Variants in GRM3 observed in about 807,000 individuals in gnomAD.
The protein encoded by GRM3 is metabotropic glutamate receptor 3.
Under a neutral mutation model 70.5 loss-of-function variants are expected in GRM3, and 26 were observed. The ratio of observed to expected loss-of-function variants is 0.37; its 90% CI spans 0.27 to 0.51. GRM3 has a LOEUF of 0.51. Ranked by LOEUF, GRM3 falls within the 20% of genes least tolerant of loss-of-function variation. GRM3 has a pLI of 0.93. For missense variants in GRM3, 859 were observed against 1,123.8 expected (o/e 0.76, Z 3.37); for synonymous variants, 443 against 434.9 (o/e 1.02, Z -0.23).
At chr7:86,774,355 C>T (rs1261787181) in intron 2 of GRM3, among the ~76,000 whole-genome samples, 2 of 152,020 alleles carry the variant, frequency 1.3e-5, no homozygotes, top group African/African-American at 4.8e-5. Flanking sequence ...GAATAGTGTT[C>T]CAAAAACACC....
chr7:86,840,407 C>A (rs1226935009), intron 4 of GRM3, among the ~76,000 whole-genome samples: 2 of 152,048 alleles, frequency 1.3e-5, no homozygotes, highest in Non-Finnish European at 2.9e-5. Flanking sequence ...TTCTCTAAAA[C>A]AGATTAAAAT....
chr7:86,770,752 G>T (rs1796719720), intron 2 of GRM3, among the ~76,000 whole-genome samples: 2 of 152,096 alleles, frequency 1.3e-5, no homozygotes, highest in Non-Finnish European at 1.5e-5. Context: ...AAAAATAGTT[G>T]CAGAACTTGG....
intron 1 of GRM3, among the ~76,000 whole-genome samples, chr7:86,708,169 C>G (rs1220949569): frequency 6.6e-6 from 1 of 152,146 alleles, no homozygotes; most frequent in Non-Finnish European, 1.5e-5. Context: ...AACCCATAGG[C>G]CCTTTACTCA....
At chr7:86,675,185 CT>C (rs774021466) in intron 1 of GRM3, among the ~76,000 whole-genome samples, 2 of 152,030 alleles carry the variant, frequency 1.3e-5, no homozygotes, top group African/African-American at 2.4e-5. Context: ...ATGTTTAGGG[CT>C]TCTTGGAGAA....
At chr7:86,764,961 T>C (rs1796565166) in intron 1 of GRM3, 45 bp from the exon 2 acceptor site, 2 of 1,372,388 alleles carry the variant, frequency 1.5e-6, no homozygotes, top group African/African-American at 1.5e-5. Context: ...GTAATCACTG[T>C]TGCTTTCTTT....
At chr7:86,697,853 T>C (rs1387111668) in intron 1 of GRM3, among the ~76,000 whole-genome samples, 1 of 152,074 alleles carries the variant, frequency 6.6e-6, no homozygotes, top group Non-Finnish European at 1.5e-5. Context: ...GTGTAGGAAA[T>C]GTTTGAAGAT....
rs1379733121 is a variant in GRM3 at position 86,839,943 on chromosome 7, C to T, written c.2391+38C>T. On this transcript the variant is annotated intron_variant, in intron 4 of 5. Coordinates refer to ENST00000361669, the MANE Select transcript of GRM3 (RefSeq NM_000840.3). The surrounding 1 kb of genome is among the most constrained non-coding windows in gnomAD (Gnocchi z 4.5). ...TTGTTTCTTATTTTTCTTGTTCTTT[C>T]TCCTCCAGTGTTTCTTGTGTAGTAT... 2 of 1,178,594 alleles carry T rather than the reference C, an allele frequency of 1.7e-6. No individual in the cohort carries two copies. The highest frequency in any genetic ancestry group is 1.3e-5 in the South Asian group (1 of 79,190). 73.0% of individuals were successfully genotyped at this position (1,178,594 alleles called of 1,614,324 possible).
intron 1 of GRM3, among the ~76,000 whole-genome samples, chr7:86,668,184 T>C (rs951330053): frequency 6.6e-6 from 1 of 152,178 alleles, no homozygotes; most frequent in African/African-American, 2.4e-5. Context: ...TAGCATGTTA[T>C]AATATACTGT....
chr7:86,759,835 A>AAG (rs1796436652), intron 1 of GRM3, among the ~76,000 whole-genome samples: 1 of 152,110 alleles, frequency 6.6e-6, no homozygotes, highest in African/African-American at 2.4e-5. Flanking sequence ...TTCTGGGGAA[A>AAG]AATACCCTTT....
intron 2 of GRM3, among the ~76,000 whole-genome samples, chr7:86,776,860 G>T (rs1290104287): frequency 6.6e-6 from 1 of 152,166 alleles, no homozygotes; most frequent in Admixed American, 6.5e-5. Context: ...CTTGACACCA[G>T]ATATGACACA....
chr7:86,679,739 C>A (rs1024759734), intron 1 of GRM3, among the ~76,000 whole-genome samples: 11 of 151,884 alleles, frequency 7.2e-5, no homozygotes, highest in African/African-American at 2.4e-4. Context: ...TCTATGGGTC[C>A]TTTTTCCCCA....
chr7:86,780,720 G>A lies in GRM3; in HGVS notation c.469-5541G>A, dbSNP rs183828592. ...ATAGCTTGAAGCTTTCATTGCCCCC[G>A]TGGAAATTTCCCAGTAGACTCTTAG... is the stretch of plus-strand genomic sequence containing the variant. On this transcript the variant is annotated intron_variant, in intron 2 of 5. Transcript: ENST00000361669. 4.7e-4 allele frequency among the ~76,000 whole-genome samples: 71 copies of A among 152,174 alleles called. 1 individual carries two copies. The highest frequency in any genetic ancestry group is 1.5e-3 in the African/African-American group (64 of 41,508).
intron 1 of GRM3, among the ~76,000 whole-genome samples, chr7:86,759,297 A>G (rs977953988): frequency 2.0e-5 from 3 of 152,158 alleles, no homozygotes; most frequent in African/African-American, 7.2e-5. Context: ...TAAAAAATCA[A>G]CCGGCAATTC....
intron 3 of GRM3, among the ~76,000 whole-genome samples, chr7:86,790,376 A>G (rs1453635946): frequency 1.3e-5 from 2 of 152,134 alleles, no homozygotes; most frequent in Non-Finnish European, 2.9e-5. Flanking sequence ...TCATCTTCTC[A>G]ACTGCTACCA....
At chr7:86,856,570 T>G (rs2115593085) in intron 5 of GRM3, among the ~76,000 whole-genome samples, 1 of 151,968 alleles carries the variant, frequency 6.6e-6, no homozygotes, top group East Asian at 1.9e-4. Context: ...GTAACACACC[T>G]TCACATATAT....
At chr7:86,672,313 G>T (rs747127753) in intron 1 of GRM3, among the ~76,000 whole-genome samples, 2 of 152,106 alleles carry the variant, frequency 1.3e-5, no homozygotes, top group African/African-American at 2.4e-5. Flanking sequence ...CACAGATACT[G>T]CCTTGGCCCC....
chr7:86,824,411 GTTTA>G (rs958131382), intron 3 of GRM3, among the ~76,000 whole-genome samples: 1 of 152,166 alleles, frequency 6.6e-6, no homozygotes, highest in Non-Finnish European at 1.5e-5. Context: ...ATCATCAATA[GTTTA>G]TTTGTGATGA....
intron 1 of GRM3, among the ~76,000 whole-genome samples, chr7:86,707,485 G>A (rs1457173790): frequency 6.6e-6 from 1 of 151,990 alleles, no homozygotes; most frequent in East Asian, 1.9e-4. Flanking sequence ...TCAAAATTTA[G>A]TTCTACTCCT....
At chr7:86,681,009 A>G (rs1425703092) in intron 1 of GRM3, among the ~76,000 whole-genome samples, 2 of 152,160 alleles carry the variant, frequency 1.3e-5, no homozygotes, top group Non-Finnish European at 2.9e-5. Context: ...ATGTTCACAT[A>G]TAACTTAAAG....
Sources: allele counts gnomAD v4.1 joint callset (sites outside exome capture counted in the v4.1 genomes callset), GRCh38; gene constraint gnomAD v4.1.1; non-coding constraint Gnocchi (gnomAD v3.1); transcripts MANE v1.5; gene names NCBI Gene and HGNC (gene_info 2026-07-23, HGNC 2026-07-21).